Variants in SHROOM2 observed in about 807,000 individuals in gnomAD.
SHROOM2 encodes shroom family member 2, also known as protein Shroom2.
A neutral mutation model predicts 75.9 loss-of-function variants in SHROOM2; 33 were observed. The observed-to-expected ratio is 0.43, with a 90% CI of 0.33 to 0.58. SHROOM2 has a LOEUF of 0.58. SHROOM2 is among the 20% of genes least tolerant of loss of function. The pLI is 0.04. For synonymous variants in SHROOM2, 655 were observed against 663.6 expected, an observed-to-expected ratio of 0.99 and a Z score of 0.20; for missense variants, 1,434 against 1,461.2, an observed-to-expected ratio of 0.98 and a Z score of 0.30.
intron 5 of SHROOM2, among the ~76,000 whole-genome samples, chrX:9,921,735 A>G (rs2084547413): frequency 8.9e-6 from 1 of 112,154 alleles, no homozygotes; most frequent in African/African-American, 3.2e-5. Flanking sequence ...CTCACTTAGC[A>G]TAATGTCCTG....
intron 5 of SHROOM2, among the ~76,000 whole-genome samples, chrX:9,923,305 C>T (rs1389269631): frequency 4.5e-5 from 5 of 110,278 alleles, no homozygotes; most frequent in Admixed American, 3.9e-4. Context: ...CCCTCCAGGC[C>T]TGGAAGAGGG....
Position 9,891,096 on chromosome X carries a change from G to A in SHROOM2, c.437G>A (p.Arg146Gln), listed in dbSNP as rs201833019. 1.1e-4 allele frequency: 129 copies of A among 1,203,820 alleles called. No homozygotes were observed. The East Asian group carries it at 3.1e-3, about 29-fold the overall frequency. ...STSGCPSWSG[R>Q]HHASSSSHDL... The stretch of plus-strand genomic sequence containing the variant: ...AGCGGCTGTCCTTCCTGGTCCGGCC[G>A]ACACCACGCGAGGTAGGCACCCATT... The change falls in exon 3 of 10, where the codon CGA becomes CAA. Residue 146 changes from arginine to glutamine, a missense_variant. Physicochemically the swap from Arg to Gln is conservative, Grantham distance 43 (BLOSUM62 1). Coordinates refer to ENST00000380913, the MANE Select transcript of SHROOM2 (RefSeq NM_001649.4).
chrX:9,867,255 A>G (rs956978992), intron 1 of SHROOM2, among the ~76,000 whole-genome samples: 2 of 111,447 alleles, frequency 1.8e-5, no homozygotes, highest in African/African-American at 6.5e-5. Flanking sequence ...GTTTCCACAC[A>G]GAATATCAGT....
At chrX:9,941,664 A>C (rs909423908) in intron 8 of SHROOM2, among the ~76,000 whole-genome samples, 3 of 111,628 alleles carry the variant, frequency 2.7e-5, no homozygotes. Context: ...TTGCTGAAGA[A>C]TAATGGCACT....
intron 1 of SHROOM2, among the ~76,000 whole-genome samples, chrX:9,851,735 G>A (rs1031194655): frequency 1.8e-5 from 2 of 109,001 alleles, no homozygotes; most frequent in African/African-American, 6.7e-5. Context: ...CAAACTGCTG[G>A]GATTTTACAG....
At position 9,948,318 on chromosome X, in the gene SHROOM2, A is replaced by T. The variant is rs2084840610; in HGVS notation, c.*1381A>T. ...TATCTAATAATTGTAGATTCAGTGT[A>T]TTTCTTCAAAAAATGTTTAATTAAA... is the stretch of plus-strand genomic sequence containing the variant. On this transcript the variant is annotated 3_prime_UTR_variant, in exon 10 of 10. Coordinates refer to ENST00000380913, the MANE Select transcript of SHROOM2 (RefSeq NM_001649.4). 3.5e-5 allele frequency: 4 copies of T among 112,884 alleles called. No homozygotes were observed. The Admixed American group carries it at 3.7e-4, about 11-fold the overall frequency. 9.3% of individuals were successfully genotyped at this position (112,884 alleles called of 1,213,427 possible). A position where few individuals can be genotyped will look rare whatever the true frequency, so the allele number is the denominator to read the frequency against.
chrX:9,788,136 C>T (rs2083626904), intron 1 of SHROOM2, among the ~76,000 whole-genome samples: 1 of 110,212 alleles, frequency 9.1e-6, no homozygotes, highest in Non-Finnish European at 1.9e-5. Context: ...TGGTCTCGAA[C>T]TCCTCTGCCT....
chrX:9,817,865 C>T (rs1027416096), intron 1 of SHROOM2, among the ~76,000 whole-genome samples: 2 of 112,168 alleles, frequency 1.8e-5, no homozygotes, highest in Admixed American at 9.5e-5. Context: ...TCAGGTGAAA[C>T]GATGATGTAA....
At chrX:9,928,537 A>T (rs1008816751) in intron 5 of SHROOM2, among the ~76,000 whole-genome samples, 7 of 112,339 alleles carry the variant, frequency 6.2e-5, no homozygotes, top group Admixed American at 4.7e-4. Context: ...ATATATGCAG[A>T]GACACATGTC....
chrX:9,803,954 G>A (rs112720572), intron 1 of SHROOM2, among the ~76,000 whole-genome samples: 1,661 of 111,288 alleles, frequency 0.015, 30 homozygotes, highest in African/African-American at 0.05. Flanking sequence ...AAATCTAGCC[G>A]TTTAAACATC....
intron 1 of SHROOM2, among the ~76,000 whole-genome samples, chrX:9,821,033 G>A (rs1208305328): frequency 8.9e-6 from 1 of 112,061 alleles, no homozygotes; most frequent in Admixed American, 9.5e-5. Context: ...TCAAAGTATG[G>A]TTCCCAGACC....
intron 1 of SHROOM2, among the ~76,000 whole-genome samples, chrX:9,830,404 C>T (rs1011990575): frequency 5.5e-5 from 6 of 109,972 alleles, no homozygotes; most frequent in African/African-American, 1.7e-4. Flanking sequence ...GCTGATCCAC[C>T]ACAGCCATCT....
intron 5 of SHROOM2, among the ~76,000 whole-genome samples, chrX:9,898,907 G>A (rs747459507): frequency 4.7e-4 from 52 of 110,601 alleles, no homozygotes; most frequent in African/African-American, 1.7e-3. Context: ...AATGTGCGCC[G>A]TAGCCGCTTA....
intron 5 of SHROOM2, among the ~76,000 whole-genome samples, chrX:9,926,285 C>T (rs894231726): frequency 8.9e-6 from 1 of 111,998 alleles, no homozygotes; most frequent in African/African-American, 3.2e-5. Context: ...TCACAGGCAG[C>T]TAGCACAGCT....
intron 1 of SHROOM2, among the ~76,000 whole-genome samples, chrX:9,837,788 C>T (rs751488082): frequency 5.4e-5 from 6 of 111,618 alleles, no homozygotes; most frequent in African/African-American, 2.0e-4. Context: ...CCTGTCCTTG[C>T]TGGCTCAGTG....
intron 1 of SHROOM2, among the ~76,000 whole-genome samples, chrX:9,852,439 C>A (rs1043073442): frequency 4.5e-5 from 5 of 112,100 alleles, no homozygotes; most frequent in African/African-American, 1.6e-4. Context: ...AAGCTTAGTT[C>A]TTATTGCCAT....
rs1005452810 is a variant in SHROOM2, at chrX:9,890,885, T to G, written c.318-92T>G. On this transcript the variant is annotated intron_variant, in intron 2 of 9. Coordinates refer to ENST00000380913, the MANE Select transcript of SHROOM2 (RefSeq NM_001649.4). ...CTGTTTGGCACGAGCGTGTGCCCTG[T>G]GTGCGGTCCCCAAGCCCCCTGCACT... is the stretch of plus-strand genomic sequence containing the variant. 36 of 906,020 alleles carry G rather than the reference T, an allele frequency of 4.0e-5. No individual in the cohort carries two copies. The African/African-American group carries it at 5.5e-4, about 14-fold the overall frequency. The allele number at this position is 906,020 out of a possible 1,213,427, so 74.7% of individuals were successfully genotyped here. A position where few individuals can be genotyped will look rare whatever the true frequency, so the allele number is the denominator to read the frequency against.
At chrX:9,939,433 C>T in intron 8 of SHROOM2, 67 bp downstream of exon 8, 1 of 968,966 alleles carries the variant, frequency 1.0e-6, no homozygotes, top group Middle Eastern at 2.8e-4. Flanking sequence ...CGGATCACAC[C>T]ATCCTGCCCC....
At chrX:9,833,933 C>A (rs34331178) in intron 1 of SHROOM2, among the ~76,000 whole-genome samples, 1,249 of 111,411 alleles carry the variant, frequency 0.011, 10 homozygotes, top group Non-Finnish European at 0.021. Flanking sequence ...TTCTACAGAC[C>A]TGCAGCCTCA....
Sources: gnomAD v4.1 joint callset for allele counts (sites outside exome capture counted in the v4.1 genomes callset) on GRCh38, gnomAD v4.1.1 for gene constraint, MANE v1.5 for transcripts, NCBI Gene and HGNC (gene_info 2026-07-23, HGNC 2026-07-21) for gene names.